The following CUX2 variants were observed in gnomAD, a reference collection of about 807,000 sequenced individuals.
CUX2 encodes the protein homeobox protein cut-like 2.
A neutral mutation model predicts 144.8 loss-of-function variants in CUX2; 40 were observed. That is an observed-to-expected ratio of 0.28 (90% CI 0.21 to 0.36). The LOEUF (loss-of-function observed/expected upper bound fraction) is 0.36, where lower values mean the gene tolerates loss of function less well. Among genes scored for constraint, CUX2 ranks in the 10% least tolerant of loss-of-function variants. CUX2 has a pLI of 1.00. For missense variants in CUX2, 1,615 were observed against 1,994.0 expected (o/e 0.81, Z 3.62); for synonymous variants, 827 against 875.6 (o/e 0.94, Z 0.98).
rs372221110 is a variant in CUX2, at chr12:111,178,493, C to T, written c.64-35707C>T. Among the ~76,000 whole-genome samples, 14 of 152,274 alleles carry T rather than the reference C, an allele frequency of 9.2e-5. No homozygotes were observed. Among genetic ancestry groups the T allele is most frequent in the Non-Finnish European group, 1.6e-4 (11 of 68,032 alleles). ...GACTTATGACCCGGTCCAGCCACTC[C>T]CCCTCCCCCATTTAAAACACAGAAC... On this transcript the variant is annotated intron_variant, in intron 1 of 21. Transcript: ENST00000261726. This position sits in a 1 kb window ranked among gnomAD's most constrained non-coding sequence, Gnocchi z 5.7.
At chr12:111,239,630 T>G (rs1349711578) in intron 3 of CUX2, among the ~76,000 whole-genome samples, 1 of 152,244 alleles carries the variant, frequency 6.6e-6, no homozygotes, top group African/African-American at 2.4e-5. Context: ...TCCCTTTGAT[T>G]TAGCTGGTGG....
intron 1 of CUX2, among the ~76,000 whole-genome samples, chr12:111,090,190 C>T (rs1357021149): frequency 6.6e-6 from 1 of 152,184 alleles, no homozygotes; most frequent in Non-Finnish European, 1.5e-5. Flanking sequence ...TGACAGAGCT[C>T]TCCGTGGGGC....
intron 1 of CUX2, among the ~76,000 whole-genome samples, chr12:111,131,416 AC>A (rs1383708704): frequency 6.6e-6 from 1 of 151,886 alleles, no homozygotes; most frequent in African/African-American, 2.4e-5. Flanking sequence ...ATATCTTTCC[AC>A]CCCTGGCCCT....
intron 1 of CUX2, among the ~76,000 whole-genome samples, chr12:111,182,286 A>C (rs1353938545): frequency 6.6e-6 from 1 of 152,202 alleles, no homozygotes; most frequent in East Asian, 1.9e-4. Context: ...TGAAATAATT[A>C]ATTCCTCTAA....
chr12:111,104,421 T>G (rs571100824), intron 1 of CUX2, among the ~76,000 whole-genome samples: 32 of 152,340 alleles, frequency 2.1e-4, no homozygotes, highest in Non-Finnish European at 3.5e-4. Flanking sequence ...AATTATCTTC[T>G]GAACCCCATC....
Position 111,204,766 on chromosome 12 carries a change from G to A in CUX2, c.64-9434G>A, listed in dbSNP as rs887865829. ...GGAGAGGGAAATGAACTTTTGTAGT[G>A]CTGGTCATTGTGGACCTAGTCGACA... On this transcript the variant is annotated intron_variant, in intron 1 of 21. Coordinates refer to ENST00000261726, the MANE Select transcript of CUX2 (RefSeq NM_015267.4). 3.3e-5 allele frequency among the ~76,000 whole-genome samples: 5 copies of A among 152,198 alleles called. No homozygotes were observed. In the South Asian group the frequency reaches 1.0e-3, roughly 31 times the overall value.
chr12:111,075,471 G>A (rs1871480832), intron 1 of CUX2, among the ~76,000 whole-genome samples: 2 of 152,152 alleles, frequency 1.3e-5, no homozygotes, highest in African/African-American at 4.8e-5. Flanking sequence ...AAGCGTCTAG[G>A]CTGTTTGCGA....
At chr12:111,347,439 G>T in intron 21 of CUX2, 85 bp from the exon 22 acceptor site, 3 of 1,329,624 alleles carry the variant, frequency 2.3e-6, no homozygotes, top group Non-Finnish European at 3.1e-6. Flanking sequence ...GCAGTGGGTG[G>T]GACCAAAATG....
intron 1 of CUX2, among the ~76,000 whole-genome samples, chr12:111,056,947 G>C (rs966281103): frequency 4.6e-5 from 7 of 152,104 alleles, no homozygotes; most frequent in African/African-American, 1.7e-4. Flanking sequence ...AAGTAGCCAA[G>C]TAGGGAGTGG....
At chr12:111,229,774 A>G (rs182015271) in intron 3 of CUX2, among the ~76,000 whole-genome samples, 210 of 152,120 alleles carry the variant, frequency 1.4e-3, no homozygotes, top group African/African-American at 4.5e-3. Flanking sequence ...TAATCCTAAC[A>G]CTTTCAGAGG....
chr12:111,269,824 T>C (rs920671973), intron 4 of CUX2, among the ~76,000 whole-genome samples: 1 of 151,982 alleles, frequency 6.6e-6, no homozygotes, highest in African/African-American at 2.4e-5. Flanking sequence ...AGCAGGAAGG[T>C]CATTCCAAGC....
At chr12:111,302,717 T>G (rs1202191499) in intron 9 of CUX2, among the ~76,000 whole-genome samples, 1 of 150,554 alleles carries the variant, frequency 6.6e-6, no homozygotes, top group African/African-American at 2.5e-5. Context: ...CTGGCCAACA[T>G]GGAAAAACCC....
At chr12:111,172,526 T>G (rs766833345) in intron 1 of CUX2, among the ~76,000 whole-genome samples, 1 of 152,194 alleles carries the variant, frequency 6.6e-6, no homozygotes. Context: ...GCTACCTGTT[T>G]GTCTTGATGG....
At chr12:111,245,705 G>A (rs953521919) in intron 3 of CUX2, among the ~76,000 whole-genome samples, 9 of 152,144 alleles carry the variant, frequency 5.9e-5, no homozygotes, top group East Asian at 1.9e-4. Context: ...TTTTCTCTGC[G>A]TTTTGTGTCA....
In CUX2 at chr12:111,112,485, C is replaced by T. The variant is rs532550018; in HGVS notation, c.63+78245C>T. On this transcript the variant is annotated intron_variant, in intron 1 of 21. Coordinates refer to ENST00000261726, the MANE Select transcript of CUX2 (RefSeq NM_015267.4). Reference sequence around the variant, plus strand: ...GGCCTAAGAAATCTCTCTTAAGCGGCGTTCTGGGGCTTTTGCTGTTTCCTT... The same window carrying T: ...GGCCTAAGAAATCTCTCTTAAGCGGTGTTCTGGGGCTTTTGCTGTTTCCTT... 4.6e-5 allele frequency among the ~76,000 whole-genome samples: 7 copies of T among 151,944 alleles called. No individual in the cohort carries two copies. In the South Asian group the frequency reaches 1.5e-3, roughly 32 times the overall value.
intron 1 of CUX2, among the ~76,000 whole-genome samples, chr12:111,146,953 G>A (rs1020181297): frequency 6.6e-6 from 1 of 152,136 alleles, no homozygotes; most frequent in Admixed American, 6.5e-5. Context: ...AACCAACATG[G>A]TGAAACCCTG....
In CUX2 at chr12:111,066,860, C is replaced by T. The variant is rs115396996; in HGVS notation, c.63+32620C>T. 7.1e-3 allele frequency among the ~76,000 whole-genome samples: 1,077 copies of T among 152,314 alleles called. 14 individuals are homozygous for T. The highest frequency in any genetic ancestry group is 0.024 in the African/African-American group (1,005 of 41,544). Reference sequence around the variant, plus strand: ...CCTCTCTGAGCATCAGCTTCTCCAACTGCAAGGTGGGATGACAGAGGGTTG... The same window carrying T: ...CCTCTCTGAGCATCAGCTTCTCCAATTGCAAGGTGGGATGACAGAGGGTTG... On this transcript the variant is annotated intron_variant, in intron 1 of 21. Transcript: ENST00000261726.
chr12:111,314,848 A>T (rs1887109028), intron 16 of CUX2, among the ~76,000 whole-genome samples: 1 of 152,042 alleles, frequency 6.6e-6, no homozygotes, highest in South Asian at 2.1e-4. Context: ...TCTCAAAAAA[A>T]AATAATAGAA....
intron 1 of CUX2, among the ~76,000 whole-genome samples, chr12:111,088,021 C>A (rs780638906): frequency 6.6e-6 from 1 of 152,078 alleles, no homozygotes; most frequent in South Asian, 2.1e-4. Flanking sequence ...TTGAAGGAAT[C>A]GTGCTGAGGG....
Sources: allele counts gnomAD v4.1 joint callset (sites outside exome capture counted in the v4.1 genomes callset), GRCh38; gene constraint gnomAD v4.1.1; non-coding constraint Gnocchi (gnomAD v3.1); transcripts MANE v1.5; gene names NCBI Gene and HGNC (gene_info 2026-07-23, HGNC 2026-07-21).